Variants in PAG1 observed in about 807,000 individuals in gnomAD.
The protein encoded by PAG1 is phosphoprotein membrane anchor with glycosphingolipid microdomains 1, also known as phosphoprotein associated with glycosphingolipid-enriched microdomains 1.
A neutral mutation model predicts 31.7 loss-of-function variants in PAG1; 23 were observed. The ratio of observed to expected loss-of-function variants is 0.73; its 90% CI spans 0.52 to 1.03. The LOEUF (loss-of-function observed/expected upper bound fraction) is 1.03, where lower values mean the gene tolerates loss of function less well. Among genes scored for constraint, PAG1 ranks in the 50% least tolerant of loss-of-function variants. The pLI is 0.00. For missense variants in PAG1, 473 were observed against 540.7 expected, an observed-to-expected ratio of 0.87 and a Z score of 1.24; for synonymous variants, 214 against 210.3, an observed-to-expected ratio of 1.02 and a Z score of -0.15.
At chr8:81,029,614 CCT>C (rs1808344966) in intron 3 of PAG1, among the ~76,000 whole-genome samples, 1 of 152,070 alleles carries the variant, frequency 6.6e-6, no homozygotes, top group South Asian at 2.1e-4. Flanking sequence ...TTTATTTTAA[CCT>C]CTAAAGGAAA....
rs937634314 is a variant in PAG1 at position 80,973,149 on chromosome 8, A to C, written c.*3395T>G. Reference sequence around the variant, plus strand: ...TCAGTAATTAGCCTTTATCCCAGAAAGAATAGTGGTAGCTTCAAAAGCTTC... The same window carrying C: ...TCAGTAATTAGCCTTTATCCCAGAACGAATAGTGGTAGCTTCAAAAGCTTC... On this transcript the variant is annotated 3_prime_UTR_variant, in exon 9 of 9. Transcript: ENST00000220597. The C allele has an allele frequency of 2.0e-5, 3 of 152,168 alleles. No homozygotes were observed. Among genetic ancestry groups the C allele is most frequent in the African/African-American group, 7.2e-5 (3 of 41,432 alleles). The allele number at this position is 152,168 out of a possible 1,614,324, so 9.4% of individuals were successfully genotyped here.
chr8:81,023,954 G>A (rs1020850824), intron 3 of PAG1, among the ~76,000 whole-genome samples: 23 of 152,200 alleles, frequency 1.5e-4, no homozygotes, highest in South Asian at 8.3e-4. Flanking sequence ...CTTACTGTCT[G>A]TAATCAGTTA....
chr8:81,057,875 C>T (rs1352442860), intron 2 of PAG1, among the ~76,000 whole-genome samples: 1 of 152,128 alleles, frequency 6.6e-6, no homozygotes, highest in Admixed American at 6.5e-5. Context: ...GTACTTCTTT[C>T]CACCATATAT....
intron 1 of PAG1, among the ~76,000 whole-genome samples, chr8:81,110,643 T>C (rs1031378677): frequency 1.3e-5 from 2 of 152,212 alleles, no homozygotes; most frequent in Admixed American, 1.3e-4. Flanking sequence ...ACAAAGGGGA[T>C]GTGTTCAAAA....
At chr8:81,052,161 A>C (rs1261233934) in intron 2 of PAG1, among the ~76,000 whole-genome samples, 10 of 152,086 alleles carry the variant, frequency 6.6e-5, no homozygotes, top group Non-Finnish European at 1.5e-5. Context: ...TAAACTATTA[A>C]ATATTTTTAT....
At chr8:81,054,147 A>T (rs191458301) in intron 2 of PAG1, among the ~76,000 whole-genome samples, 85 of 152,328 alleles carry the variant, frequency 5.6e-4, no homozygotes, top group African/African-American at 2.0e-3. Flanking sequence ...CAGGAAGAAC[A>T]TATGTACGTA....
intron 2 of PAG1, among the ~76,000 whole-genome samples, chr8:81,059,274 C>CTTTTTTTTTTTT (rs34306813): frequency 2.0e-5 from 3 of 146,732 alleles, no homozygotes; most frequent in Non-Finnish European, 3.0e-5. Context: ...GGCAAACATT[C>CTTTTTTTTTTTT]TTTTTTTTTT....
chr8:81,065,670 G>GA (rs1808992209), intron 2 of PAG1, among the ~76,000 whole-genome samples: 1 of 150,032 alleles, frequency 6.7e-6, no homozygotes, highest in African/African-American at 2.5e-5. Context: ...CAACCATAGG[G>GA]AAAAAAATCA....
chr8:81,077,568 A>G (rs1303368280), intron 1 of PAG1, among the ~76,000 whole-genome samples: 1 of 152,238 alleles, frequency 6.6e-6, no homozygotes, highest in Non-Finnish European at 1.5e-5. Flanking sequence ...CTTTTATCGA[A>G]AAAACATTAA....
chr8:81,047,373 A>C (rs1808658801), intron 2 of PAG1, among the ~76,000 whole-genome samples: 1 of 152,162 alleles, frequency 6.6e-6, no homozygotes. Context: ...ACTTTTTAAT[A>C]ACAGCCATTC....
intron 6 of PAG1, among the ~76,000 whole-genome samples, chr8:80,986,363 A>C (rs116792239): frequency 1.7e-3 from 257 of 152,248 alleles, no homozygotes; most frequent in African/African-American, 5.6e-3. Flanking sequence ...TGATTACCCC[A>C]CAGTTTCCTC....
chr8:81,077,804 T>C (rs780080463), intron 1 of PAG1, among the ~76,000 whole-genome samples: 1 of 152,326 alleles, frequency 6.6e-6, no homozygotes, highest in Middle Eastern at 3.4e-3. Context: ...TTAGATTGGT[T>C]AGAGACAAGG....
intron 1 of PAG1, among the ~76,000 whole-genome samples, chr8:81,079,289 C>T (rs1048639627): frequency 3.3e-5 from 5 of 152,072 alleles, no homozygotes; most frequent in South Asian, 2.1e-4. Flanking sequence ...ACACCACTCA[C>T]GCAAACAAGG....
chr8:80,988,045 C>A (rs1334817830), intron 5 of PAG1, among the ~76,000 whole-genome samples: 2 of 152,208 alleles, frequency 1.3e-5, no homozygotes, highest in Non-Finnish European at 2.9e-5. Context: ...CAGAACACTT[C>A]CAGCACTGCA....
intron 1 of PAG1, among the ~76,000 whole-genome samples, chr8:81,098,539 G>A (rs56845414): frequency 0.043 from 6,585 of 152,238 alleles, 157 homozygotes; most frequent in African/African-American, 0.059. Context: ...GCATGAGTCT[G>A]GGGCTACCTG....
intron 2 of PAG1, among the ~76,000 whole-genome samples, chr8:81,042,155 C>T (rs73694026): frequency 0.039 from 5,898 of 152,210 alleles, 150 homozygotes; most frequent in South Asian, 0.1. Flanking sequence ...GAGACAAATC[C>T]ATGGGGTACC....
chr8:81,107,765 C>G (rs1483285375), intron 1 of PAG1, among the ~76,000 whole-genome samples: 1 of 152,248 alleles, frequency 6.6e-6, no homozygotes, highest in Non-Finnish European at 1.5e-5. Context: ...TACTTAACCC[C>G]TGCCCTTGAA....
At chr8:81,099,154 T>C (rs922548560) in intron 1 of PAG1, among the ~76,000 whole-genome samples, 1 of 152,226 alleles carries the variant, frequency 6.6e-6, no homozygotes, top group South Asian at 2.1e-4. Context: ...ATGAATACAC[T>C]GTATTACCTT....
At chr8:81,054,490 C>A (rs983340508) in intron 2 of PAG1, among the ~76,000 whole-genome samples, 1 of 151,948 alleles carries the variant, frequency 6.6e-6, no homozygotes, top group African/African-American at 2.4e-5. Flanking sequence ...CTGGCTAATA[C>A]GGTGAAACCC....
Sources: gnomAD v4.1 joint callset for allele counts (sites outside exome capture counted in the v4.1 genomes callset) on GRCh38, gnomAD v4.1.1 for gene constraint, MANE v1.5 for transcripts, NCBI Gene and HGNC (gene_info 2026-07-23, HGNC 2026-07-21) for gene names.